The following GALNTL6 variants were observed in gnomAD, a reference collection of about 807,000 sequenced individuals.
GALNTL6 encodes the protein polypeptide N-acetylgalactosaminyltransferase-like 6.
Under a neutral mutation model 73.7 loss-of-function variants are expected in GALNTL6, and 46 were observed. The observed-to-expected ratio is 0.62, with a 90% CI of 0.49 to 0.80. The LOEUF is 0.80. Among genes scored for constraint, GALNTL6 ranks in the 30% least tolerant of loss-of-function variants. The pLI is 0.00. For synonymous variants in GALNTL6, 259 were observed against 263.7 expected, an observed-to-expected ratio of 0.98 and a Z score of 0.17; for missense variants, 604 against 755.0, an observed-to-expected ratio of 0.80 and a Z score of 2.34.
intron 5 of GALNTL6, among the ~76,000 whole-genome samples, chr4:172,805,611 C>G (rs567450365): frequency 1.3e-5 from 2 of 152,178 alleles, no homozygotes; most frequent in East Asian, 3.9e-4. Context: ...AGTCACTAGG[C>G]AGATCTGCCT....
chr4:172,417,028 G>A (rs964531363), intron 5 of GALNTL6, among the ~76,000 whole-genome samples: 5 of 151,968 alleles, frequency 3.3e-5, no homozygotes, highest in Non-Finnish European at 4.4e-5. Flanking sequence ...AATTGCTTTA[G>A]GTAATCAATC....
chr4:171,964,999 C>T (rs2111053368), intron 2 of GALNTL6, among the ~76,000 whole-genome samples: 1 of 152,330 alleles, frequency 6.6e-6, no homozygotes, highest in Admixed American at 6.5e-5. Context: ...CACAGTCCTG[C>T]TTTTTCCTTT....
intron 9 of GALNTL6, among the ~76,000 whole-genome samples, chr4:172,938,004 A>G (rs1214347428): frequency 1.3e-5 from 2 of 152,236 alleles, no homozygotes; most frequent in Non-Finnish European, 2.9e-5. Flanking sequence ...TACAAGTTAC[A>G]AATGTTTTTG....
chr4:172,682,819 T>G (rs1014204286), intron 5 of GALNTL6, among the ~76,000 whole-genome samples: 5 of 152,066 alleles, frequency 3.3e-5, no homozygotes, highest in African/African-American at 9.7e-5. Flanking sequence ...GATTTTTATT[T>G]GGCCTGAATG....
At chr4:172,978,637 A>AT (rs747244246) in intron 10 of GALNTL6, among the ~76,000 whole-genome samples, 7 of 152,208 alleles carry the variant, frequency 4.6e-5, no homozygotes, top group Non-Finnish European at 8.8e-5. Flanking sequence ...AGCAAATAAA[A>AT]TTCCATATTG....
intron 2 of GALNTL6, chr4:171,815,039 T>C: frequency 2.2e-6 from 1 of 446,676 alleles, no homozygotes; most frequent in Non-Finnish European, 3.9e-6. Flanking sequence ...GAGGTGGGAG[T>C]GGGTTTGGTG....
intron 5 of GALNTL6, among the ~76,000 whole-genome samples, chr4:172,554,136 C>T (rs1736060289): frequency 6.6e-6 from 1 of 152,170 alleles, no homozygotes. Flanking sequence ...TATCATTTCC[C>T]AATTCTAACT....
intron 3 of GALNTL6, among the ~76,000 whole-genome samples, chr4:172,235,990 T>C (rs2110981133): frequency 6.6e-6 from 1 of 152,332 alleles, no homozygotes; most frequent in South Asian, 2.1e-4. Context: ...ATTATTTCAT[T>C]CATTTTTATG....
chr4:172,167,772 C>A (rs1324689965), intron 2 of GALNTL6, among the ~76,000 whole-genome samples: 2 of 147,204 alleles, frequency 1.4e-5, no homozygotes. Flanking sequence ...TCCTGGCTAA[C>A]AAGGTGAAAC....
At chr4:171,847,554 T>G (rs1735406979) in intron 2 of GALNTL6, among the ~76,000 whole-genome samples, 1 of 152,172 alleles carries the variant, frequency 6.6e-6, no homozygotes, top group Non-Finnish European at 1.5e-5. Context: ...TTGATATCCT[T>G]TTATCCACAG....
intron 2 of GALNTL6, among the ~76,000 whole-genome samples, chr4:172,063,300 G>GT (rs1383219826): frequency 1.3e-5 from 2 of 152,138 alleles, no homozygotes; most frequent in African/African-American, 4.8e-5. Flanking sequence ...TTTCAATATA[G>GT]TAAGTCTCAT....
intron 5 of GALNTL6, among the ~76,000 whole-genome samples, chr4:172,352,101 TGTA>T (rs1354090249): frequency 6.6e-6 from 1 of 152,176 alleles, no homozygotes; most frequent in East Asian, 1.9e-4. Flanking sequence ...TGTTAAATTC[TGTA>T]ATAGTGGGTT....
chr4:172,167,754 C>G (rs1376405877), intron 2 of GALNTL6, among the ~76,000 whole-genome samples: 2 of 148,798 alleles, frequency 1.3e-5, no homozygotes, highest in African/African-American at 5.0e-5. Context: ...GTCAGGAGAT[C>G]GAGACCATCC....
intron 3 of GALNTL6, among the ~76,000 whole-genome samples, chr4:172,266,868 C>T (rs1053086599): frequency 6.6e-6 from 1 of 152,084 alleles, no homozygotes; most frequent in Non-Finnish European, 1.5e-5. Context: ...CTCTTCTCAT[C>T]AACTGAGTCA....
intron 9 of GALNTL6, among the ~76,000 whole-genome samples, chr4:172,932,796 T>C (rs1269902965): frequency 1.3e-5 from 2 of 152,354 alleles, no homozygotes; most frequent in Non-Finnish European, 2.9e-5. Flanking sequence ...TTAGTACTTA[T>C]GTGTGGAATT....
chr4:172,750,883 T>C (rs2110780208), intron 5 of GALNTL6, among the ~76,000 whole-genome samples: 1 of 152,278 alleles, frequency 6.6e-6, no homozygotes, highest in South Asian at 2.1e-4. Flanking sequence ...TTAGGGTAAG[T>C]CTGCTGGCAA....
chr4:172,593,694 C>CT (rs1292780045), intron 5 of GALNTL6, among the ~76,000 whole-genome samples: 1 of 151,086 alleles, frequency 6.6e-6, no homozygotes, highest in Admixed American at 6.6e-5. Context: ...GGAATAGATG[C>CT]TTTTTTGTTG....
chr4:172,787,264 C>T (rs1165973885), intron 5 of GALNTL6, among the ~76,000 whole-genome samples: 1 of 152,140 alleles, frequency 6.6e-6, no homozygotes, highest in African/African-American at 2.4e-5. Flanking sequence ...TTTCCGGAAA[C>T]TCATGGTACT....
chr4:172,783,863 A>C (rs1739508251), intron 5 of GALNTL6, among the ~76,000 whole-genome samples: 1 of 152,098 alleles, frequency 6.6e-6, no homozygotes, highest in African/African-American at 2.4e-5. Context: ...ACTTATCAAG[A>C]TTCTTTTAAA....
Sources: allele counts gnomAD v4.1 joint callset (sites outside exome capture counted in the v4.1 genomes callset), GRCh38; gene constraint gnomAD v4.1.1; transcripts MANE v1.5; gene names NCBI Gene and HGNC (gene_info 2026-07-23, HGNC 2026-07-21).